MTREX: variants seen among roughly 807,000 people sequenced by gnomAD.
MTREX encodes the protein Mtr4 exosome RNA helicase.
In MTREX, 76 loss-of-function variants were observed where a neutral mutation model predicts 135.4. That is an observed-to-expected ratio of 0.56 (90% CI 0.47 to 0.68). The LOEUF is 0.68. Ranked by LOEUF, MTREX falls within the 30% of genes least tolerant of loss-of-function variation. The pLI, the probability that MTREX is intolerant of heterozygous loss-of-function variation, is 0.00. For missense variants in MTREX, 920 were observed against 1,262.1 expected (o/e 0.73, Z 4.11); for synonymous variants, 404 against 401.6 (o/e 1.01, Z -0.07).
intron 16 of MTREX, among the ~76,000 whole-genome samples, chr5:55,372,492 A>G (rs1750219818): frequency 6.8e-6 from 1 of 146,548 alleles, no homozygotes; most frequent in African/African-American, 2.6e-5. Flanking sequence ...GTCTTTCATC[A>G]GTCCCTAGGA....
chr5:55,415,521 AAAG>A (rs1239848436), intron 24 of MTREX, among the ~76,000 whole-genome samples: 1 of 152,210 alleles, frequency 6.6e-6, no homozygotes, highest in Non-Finnish European at 1.5e-5. Context: ...ATTGCCAAGT[AAAG>A]AAGAATGAAG....
chr5:55,358,404 C>CAAAT (rs1257395157), intron 14 of MTREX, among the ~76,000 whole-genome samples, 169 bp from the exon 15 acceptor site: 1 of 152,136 alleles, frequency 6.6e-6, no homozygotes, highest in Admixed American at 6.5e-5. Context: ...ACATGTTTTG[C>CAAAT]ATTTTTGTGC....
At position 55,393,822 on chromosome 5, in the gene MTREX, C is replaced by T. The variant is rs548914152; in HGVS notation, c.2182-3594C>T. ...CAAATATTATGATGTTTTTAAATAT[C>T]TGAAATTTGATATTTATAATTTCAT... is the stretch of plus-strand genomic sequence containing the variant. On this transcript the variant is annotated intron_variant, in intron 19 of 26. Transcript: ENST00000230640. Among the ~76,000 whole-genome samples the T allele has an allele frequency of 1.2e-4, 19 of 152,256 alleles. 1 individual carries two copies. In the South Asian group the frequency reaches 3.9e-3, roughly 32 times the overall value.
chr5:55,390,064 C>T (rs1246584142), intron 19 of MTREX, among the ~76,000 whole-genome samples: 1 of 151,934 alleles, frequency 6.6e-6, no homozygotes, highest in African/African-American at 2.4e-5. Flanking sequence ...GGATATGATG[C>T]CAAATTTAGC....
intron 15 of MTREX, among the ~76,000 whole-genome samples, chr5:55,363,958 G>A (rs918216252): frequency 6.6e-6 from 1 of 152,156 alleles, no homozygotes; most frequent in African/African-American, 2.4e-5. Context: ...AAGCGAACAG[G>A]AAGCAATATA....
chr5:55,383,542 C>G (rs1436168250), intron 18 of MTREX, among the ~76,000 whole-genome samples: 1 of 152,022 alleles, frequency 6.6e-6, no homozygotes, highest in African/African-American at 2.4e-5. Context: ...TGCTGTTAGT[C>G]TTGTTGAAGT....
At chr5:55,375,543 C>T (rs1000246894) in intron 16 of MTREX, among the ~76,000 whole-genome samples, 1 of 152,200 alleles carries the variant, frequency 6.6e-6, no homozygotes, top group Non-Finnish European at 1.5e-5. Context: ...AACAATTGCT[C>T]TTATCCTGTT....
At chr5:55,336,809 G>A (rs1340516139) in intron 5 of MTREX, among the ~76,000 whole-genome samples, 2 of 152,210 alleles carry the variant, frequency 1.3e-5, no homozygotes, top group East Asian at 3.8e-4. Flanking sequence ...CTCAGAACCT[G>A]CGTGTGTAGA....
In MTREX at chr5:55,340,191, C is replaced by G. The variant is rs1272755635; in HGVS notation, c.690+7C>G. ...TCTTGTTATGACCACAGAGGTAATTCATGTAGTGCCTCATCTGACTTTTCG... is the reference window on the plus strand; with the variant it reads ...TCTTGTTATGACCACAGAGGTAATTGATGTAGTGCCTCATCTGACTTTTCG... On this transcript the variant is annotated splice_region_variant and intron_variant, in intron 6 of 26. Transcript: ENST00000230640. 6.6e-7 allele frequency: 1 copy of G among 1,518,306 alleles called. No homozygotes were observed. The highest frequency in any genetic ancestry group is 8.8e-7 in the Non-Finnish European group (1 of 1,132,096). 94.1% of individuals were successfully genotyped at this position (1,518,306 alleles called of 1,614,324 possible).
chr5:55,354,764 G>A (rs866015029), intron 14 of MTREX, among the ~76,000 whole-genome samples: 1 of 152,206 alleles, frequency 6.6e-6, no homozygotes, highest in Non-Finnish European at 1.5e-5. Flanking sequence ...CTAAGGCTGG[G>A]CCCTAGCCCC....
chr5:55,356,574 A>T, intron 14 of MTREX: 1 of 195,160 alleles, frequency 5.1e-6, no homozygotes. Flanking sequence ...CGCTGTCAGC[A>T]GGCAGTCAGT....
intron 1 of MTREX, among the ~76,000 whole-genome samples, chr5:55,308,379 C>A (rs920406862): frequency 2.6e-5 from 4 of 151,988 alleles, no homozygotes; most frequent in Non-Finnish European, 5.9e-5. Flanking sequence ...AATTCCCTTA[C>A]GTCGATGTTA....
At chr5:55,386,722 G>C (rs1203671324) in intron 18 of MTREX, among the ~76,000 whole-genome samples, 1 of 152,090 alleles carries the variant, frequency 6.6e-6, no homozygotes, top group African/African-American at 2.4e-5. Context: ...TCCAACAACA[G>C]AGTTATCTAG....
chr5:55,372,898 G>A (rs1426414988), intron 16 of MTREX, among the ~76,000 whole-genome samples: 11 of 120,288 alleles, frequency 9.1e-5, no homozygotes, highest in East Asian at 4.4e-4. Flanking sequence ...TGTAATGTGT[G>A]TGTGTGTGTG....
chr5:55,370,396 C>T (rs951256120), intron 16 of MTREX, among the ~76,000 whole-genome samples: 3 of 152,160 alleles, frequency 2.0e-5, no homozygotes, highest in African/African-American at 7.2e-5. Flanking sequence ...CCTCTGTCTT[C>T]ACAGTCCCCA....
intron 18 of MTREX, among the ~76,000 whole-genome samples, chr5:55,385,152 G>C (rs148985628): frequency 2.0e-5 from 3 of 152,262 alleles, no homozygotes; most frequent in South Asian, 2.1e-4. Flanking sequence ...CTAAAGCTGG[G>C]GGTGGGGAGA....
chr5:55,333,251 C>A (rs1749504351), intron 5 of MTREX, among the ~76,000 whole-genome samples: 1 of 152,118 alleles, frequency 6.6e-6, no homozygotes, highest in Non-Finnish European at 1.5e-5. Flanking sequence ...GTCTTTATCT[C>A]TTTCTCAGCC....
chr5:55,331,004 C>T (rs904421637), intron 5 of MTREX, among the ~76,000 whole-genome samples: 6 of 151,726 alleles, frequency 4.0e-5, no homozygotes, highest in Non-Finnish European at 7.4e-5. Flanking sequence ...TTTTTAATCT[C>T]AGACACTCAG....
At chr5:55,408,917 TTTTATTTA>T (rs140029940) in intron 22 of MTREX, among the ~76,000 whole-genome samples, 9,441 of 144,206 alleles carry the variant, frequency 0.065, 598 homozygotes, top group African/African-American at 0.15. Flanking sequence ...TGAACAATAT[TTTTATTTA>T]TTTATTTATT....
Sources: gnomAD v4.1 joint callset for allele counts (sites outside exome capture counted in the v4.1 genomes callset) on GRCh38, gnomAD v4.1.1 for gene constraint, MANE v1.5 for transcripts, NCBI Gene and HGNC (gene_info 2026-07-23, HGNC 2026-07-21) for gene names.